Variants in ADGRD1 observed in about 807,000 individuals in gnomAD.
The protein encoded by ADGRD1 is adhesion G protein-coupled receptor D1, also known as G-protein coupled receptor 133.
Under a neutral mutation model 113.4 loss-of-function variants are expected in ADGRD1, and 77 were observed. The observed-to-expected ratio is 0.68, with a 90% CI of 0.57 to 0.82. The LOEUF (loss-of-function observed/expected upper bound fraction) is 0.82, where lower values mean the gene tolerates loss of function less well. Ranked by LOEUF, ADGRD1 falls within the 40% of genes least tolerant of loss-of-function variation. The pLI is 0.00. For missense variants in ADGRD1, 1,036 were observed against 1,139.1 expected, an observed-to-expected ratio of 0.91 and a Z score of 1.30; for synonymous variants, 474 against 475.0, an observed-to-expected ratio of 1.00 and a Z score of 0.03.
At chr12:130,956,807 C>CA (rs1441116736) in intron 2 of ADGRD1, 1 of 152,238 alleles carries the variant, frequency 6.6e-6, no homozygotes, top group Non-Finnish European at 1.5e-5. Flanking sequence ...CCCCATGCTA[C>CA]ATGTCTACAT....
At chr12:130,996,830 G>T (rs1273199978) in intron 8 of ADGRD1, among the ~76,000 whole-genome samples, 1 of 119,130 alleles carries the variant, frequency 8.4e-6, no homozygotes, top group Non-Finnish European at 1.8e-5. Flanking sequence ...GGCCGGGCGG[G>T]GGGCTGACCC....
chr12:131,051,585 G>A (rs1173618890), intron 13 of ADGRD1, among the ~76,000 whole-genome samples: 6 of 151,408 alleles, frequency 4.0e-5, no homozygotes, highest in Non-Finnish European at 8.8e-5. Flanking sequence ...CCAGGTTCAA[G>A]CTATTCTCGT....
chr12:131,028,966 T>C (rs918760639), intron 13 of ADGRD1, among the ~76,000 whole-genome samples: 1 of 152,222 alleles, frequency 6.6e-6, no homozygotes, highest in Non-Finnish European at 1.5e-5. Flanking sequence ...TATCCAGCCA[T>C]GGGTGGGGCT....
At position 131,075,138 on chromosome 12, in the gene ADGRD1, T is replaced by C. The variant is rs764553230; in HGVS notation, c.1474-1663T>C. 7.2e-5 allele frequency among the ~76,000 whole-genome samples: 11 copies of C among 152,190 alleles called. No homozygotes were observed. Among genetic ancestry groups the C allele is most frequent in the Non-Finnish European group, 1.5e-4 (10 of 68,036 alleles). ...CTGGCTTCCCCAGGTCACCGACTTATTTTTTAAATTTCCTTTAAATTACTC... is the reference window on the plus strand; with the variant it reads ...CTGGCTTCCCCAGGTCACCGACTTACTTTTTAAATTTCCTTTAAATTACTC... On this transcript the variant is annotated intron_variant, in intron 13 of 24. Transcript: ENST00000261654. This position sits in a 1 kb window ranked among gnomAD's most constrained non-coding sequence, Gnocchi z 5.3.
rs548013972 is a variant in ADGRD1, at chr12:131,050,717, G to A, written c.1474-26084G>A. Among the ~76,000 whole-genome samples, 2 of 152,272 alleles carry A rather than the reference G, an allele frequency of 1.3e-5. No homozygotes were observed. Among genetic ancestry groups the A allele is most frequent in the South Asian group, 4.1e-4 (2 of 4,822 alleles). ...GGTCCCCAGACATTTTGGCACCAGG[G>A]ACTGGTTTCGTGGAAGACAATTTTT... On this transcript the variant is annotated intron_variant, in intron 13 of 24. Coordinates refer to ENST00000261654, the MANE Select transcript of ADGRD1 (RefSeq NM_198827.5). This position sits in a 1 kb window ranked among gnomAD's most constrained non-coding sequence, Gnocchi z 4.8.
At chr12:131,029,549 C>G (rs1880378583) in intron 13 of ADGRD1, among the ~76,000 whole-genome samples, 1 of 149,588 alleles carries the variant, frequency 6.7e-6, no homozygotes, top group Non-Finnish European at 1.5e-5. Flanking sequence ...CGTTCGGTGA[C>G]ATTCCCAGGC....
At chr12:131,092,670 A>T (rs1886990559) in intron 15 of ADGRD1, among the ~76,000 whole-genome samples, 1 of 152,130 alleles carries the variant, frequency 6.6e-6, no homozygotes, top group Non-Finnish European at 1.5e-5. Flanking sequence ...GTGCCAGTAC[A>T]GGAGCACCTG....
At position 131,014,266 on chromosome 12, in the gene ADGRD1, G is replaced by T. The variant is rs1314463408; in HGVS notation, c.1399G>T (p.Val467Leu). The stretch of plus-strand genomic sequence containing the variant: ...CACCAGCCACCTGATTTCCCTGGAG[G>T]TGTCCCCACCACCCACCCTGTCTCA... ...FATSHLISLE[V>L]SPPPTLSQNL... The change falls in exon 13 of 25, where the codon GTG (valine) becomes TTG (leucine). Residue 467 changes from valine (V) to leucine (L), a missense_variant. Val to Leu is a conservative substitution (Grantham distance 32, BLOSUM62 1). Coordinates refer to ENST00000261654, the MANE Select transcript of ADGRD1 (RefSeq NM_198827.5). 6.2e-7 allele frequency: 1 copy of T among 1,614,042 alleles called. No homozygotes were observed. Among genetic ancestry groups the T allele is most frequent in the African/African-American group, 1.3e-5 (1 of 75,046 alleles).
At chr12:131,136,231 A>G in intron 22 of ADGRD1, 68 bp downstream of exon 22, 2 of 1,579,214 alleles carry the variant, frequency 1.3e-6, no homozygotes, top group Non-Finnish European at 1.7e-6. Context: ...GCAGGGAGCT[A>G]GGGCTGCAGG....
intron 13 of ADGRD1, among the ~76,000 whole-genome samples, chr12:131,072,905 C>G (rs1885296509): frequency 6.6e-6 from 1 of 152,244 alleles, no homozygotes; most frequent in Admixed American, 6.5e-5. Context: ...CTGCTCACCT[C>G]TGCCCAGGAG....
chr12:131,091,633 G>A (rs1886913991), intron 15 of ADGRD1, among the ~76,000 whole-genome samples: 1 of 152,224 alleles, frequency 6.6e-6, no homozygotes, highest in Non-Finnish European at 1.5e-5. Context: ...GTTTAAATAT[G>A]CAACATTTGT....
intron 15 of ADGRD1, among the ~76,000 whole-genome samples, chr12:131,101,805 G>A (rs966493468): frequency 1.3e-5 from 2 of 152,150 alleles, no homozygotes; most frequent in African/African-American, 4.8e-5. Flanking sequence ...CCATCTCTAG[G>A]CAGAGATCAG....
intron 7 of ADGRD1, 159 bp downstream of exon 7, chr12:130,991,237 C>T: frequency 1.7e-6 from 1 of 591,618 alleles, no homozygotes; most frequent in Non-Finnish European, 3.0e-6. Context: ...AACTGCAGTA[C>T]TAATTCTTGG....
rs533018073 is a variant in ADGRD1, at chr12:131,011,736, T to C, written c.1332-2463T>C. Among the ~76,000 whole-genome samples the C allele has an allele frequency of 4.6e-5, 7 of 152,352 alleles. No individual in the cohort carries two copies. In the East Asian group the frequency reaches 9.6e-4, roughly 21 times the overall value. ...CTAATGGCACAGCCCTAAGTGTTGC[T>C]AGCAACGTGGTTTTTCCAGCGCGTT... is the stretch of plus-strand genomic sequence containing the variant. On this transcript the variant is annotated intron_variant, in intron 12 of 24. Coordinates refer to ENST00000261654, the MANE Select transcript of ADGRD1 (RefSeq NM_198827.5).
chr12:131,021,121 C>T (rs1173898597), intron 13 of ADGRD1, among the ~76,000 whole-genome samples: 13 of 152,130 alleles, frequency 8.5e-5, no homozygotes, highest in Non-Finnish European at 1.5e-5. Context: ...ACAGAATGCC[C>T]CTGTATGTCT....
intron 18 of ADGRD1, among the ~76,000 whole-genome samples, chr12:131,112,439 G>C (rs931498473): frequency 4.6e-5 from 7 of 152,118 alleles, no homozygotes; most frequent in Admixed American, 3.9e-4. Context: ...CAGTCTTTGA[G>C]GTTTGTTCTG....
At chr12:130,961,137 A>G (rs776863543) in intron 2 of ADGRD1, among the ~76,000 whole-genome samples, 1 of 152,232 alleles carries the variant, frequency 6.6e-6, no homozygotes. Flanking sequence ...ACCAAGGGAT[A>G]AAGGTTTCCC....
At chr12:131,038,509 G>A (rs764057962) in intron 13 of ADGRD1, among the ~76,000 whole-genome samples, 2 of 152,226 alleles carry the variant, frequency 1.3e-5, no homozygotes, top group East Asian at 3.8e-4. Flanking sequence ...TCTTCTCTGT[G>A]ACTGGGGCCA....
At chr12:131,111,425 G>A (rs1045647341) in intron 18 of ADGRD1, among the ~76,000 whole-genome samples, 8 of 152,138 alleles carry the variant, frequency 5.3e-5, no homozygotes, top group African/African-American at 1.9e-4. Flanking sequence ...TCTTAGATGT[G>A]TAGATTAATT....
Sources: gnomAD v4.1 joint callset for allele counts (sites outside exome capture counted in the v4.1 genomes callset) on GRCh38, gnomAD v4.1.1 for gene constraint, Gnocchi (gnomAD v3.1) non-coding constraint, MANE v1.5 for transcripts, NCBI Gene and HGNC (gene_info 2026-07-23, HGNC 2026-07-21) for gene names.